The following PPFIA1 variants were observed in gnomAD, a reference collection of about 807,000 sequenced individuals.
The protein encoded by PPFIA1 is liprin-alpha-1.
Under a neutral mutation model 149.9 loss-of-function variants are expected in PPFIA1, and 25 were observed. The observed-to-expected ratio is 0.17, with a 90% CI of 0.12 to 0.23. The LOEUF (loss-of-function observed/expected upper bound fraction) is 0.23. Ranked by LOEUF, PPFIA1 falls within the 10% of genes least tolerant of loss-of-function variation. PPFIA1 has a pLI of 1.00. For synonymous variants in PPFIA1, 549 were observed against 552.8 expected, an observed-to-expected ratio of 0.99 and a Z score of 0.10; for missense variants, 1,362 against 1,506.5, an observed-to-expected ratio of 0.90 and a Z score of 1.59.
intron 20 of PPFIA1, 53 bp from the exon 21 acceptor site, chr11:70,362,235 A>AT: frequency 1.2e-6 from 2 of 1,613,014 alleles, no homozygotes; most frequent in Non-Finnish European, 1.7e-6. Flanking sequence ...TTACTGTTCT[A>AT]CTTTGTAGAC....
chr11:70,339,223 C>T lies in PPFIA1; in HGVS notation c.1624C>T (p.His542Tyr). 6.2e-7 allele frequency: 1 copy of T among 1,614,168 alleles called. No homozygotes were observed. Among genetic ancestry groups the T allele is most frequent in the Non-Finnish European group, 8.5e-7 (1 of 1,180,038 alleles). ...PDFRFPMADG[H>Y]TDSYSTSAVL... ...TTTCAGGTTCCCCATGGCAGACGGC[C>T]ACACAGACTCCTACAGCACCAGTGC... The change falls in exon 14 of 28, where the codon CAC (histidine) becomes TAC (tyrosine). Residue 542 changes from histidine to tyrosine, a missense_variant. By Grantham distance (83) the His-to-Tyr change is moderately conservative. Coordinates refer to ENST00000253925, the MANE Select transcript of PPFIA1 (RefSeq NM_003626.5).
chr11:70,318,574 G>A (rs1022102253), intron 2 of PPFIA1, among the ~76,000 whole-genome samples: 3 of 152,156 alleles, frequency 2.0e-5, no homozygotes, highest in Non-Finnish European at 4.4e-5. Flanking sequence ...CCACTGCACT[G>A]TTTTTCTTCC....
At chr11:70,377,806 G>A (rs1053148993) in intron 25 of PPFIA1, among the ~76,000 whole-genome samples, 1 of 152,150 alleles carries the variant, frequency 6.6e-6, no homozygotes, top group African/African-American at 2.4e-5. Context: ...GCCCAGCACC[G>A]ACCTCATTTC....
intron 2 of PPFIA1, among the ~76,000 whole-genome samples, chr11:70,293,600 G>A (rs946953179): frequency 2.6e-5 from 4 of 152,218 alleles, no homozygotes. Context: ...TGGCTCAGGA[G>A]CCAGTGGCGT....
At chr11:70,380,450 G>A (rs1010841491) in intron 26 of PPFIA1, among the ~76,000 whole-genome samples, 2 of 151,824 alleles carry the variant, frequency 1.3e-5, no homozygotes, top group East Asian at 1.9e-4. Flanking sequence ...GGTGGCAGGC[G>A]CCTGTAGTAC....
chr11:70,338,293 C>T (rs1223586180), intron 12 of PPFIA1, 81 bp from the exon 13 acceptor site: 1 of 1,147,848 alleles, frequency 8.7e-7, no homozygotes, highest in African/African-American at 1.5e-5. Context: ...GGGTTATGCC[C>T]AACATCTGAG....
intron 2 of PPFIA1, among the ~76,000 whole-genome samples, chr11:70,295,540 C>T (rs1168406222): frequency 2.6e-4 from 32 of 122,326 alleles, no homozygotes; most frequent in Middle Eastern, 6.4e-3. Flanking sequence ...CCGGACGGGG[C>T]GGCTGGCCGG....
chr11:70,331,103 G>A (rs1007002492), intron 8 of PPFIA1, among the ~76,000 whole-genome samples: 3 of 151,770 alleles, frequency 2.0e-5, no homozygotes, highest in Non-Finnish European at 4.4e-5. Flanking sequence ...TTGGTGGCGC[G>A]CATCTGTAAT....
At position 70,324,832 on chromosome 11, in the gene PPFIA1, G is replaced by T; in HGVS notation, c.367-15G>T. The T allele has an allele frequency of 6.5e-7, 1 of 1,539,662 alleles. No homozygotes were observed. ...ATGCTGTTTAACAAGTCTTTATTTT[G>T]GCCTTTTATTTCAGCTGCTGTTAGA... is the stretch of plus-strand genomic sequence containing the variant. On this transcript the variant is annotated splice_polypyrimidine_tract_variant and intron_variant, in intron 3 of 27. Transcript: ENST00000253925.
chr11:70,311,954 A>G (rs1308506611), intron 2 of PPFIA1, among the ~76,000 whole-genome samples: 1 of 144,512 alleles, frequency 6.9e-6, no homozygotes, highest in Non-Finnish European at 1.5e-5. Context: ...AGCAGTCCTC[A>G]CACCTAACCT....
intron 24 of PPFIA1, 107 bp downstream of exon 24, chr11:70,375,200 A>AAC: frequency 2.5e-6 from 1 of 407,678 alleles, no homozygotes; most frequent in South Asian, 8.0e-5. Flanking sequence ...AAAAAAAAAA[A>AAC]AACTTCAGAC....
At chr11:70,295,793 C>T (rs1304616358) in intron 2 of PPFIA1, among the ~76,000 whole-genome samples, 1 of 151,584 alleles carries the variant, frequency 6.6e-6, no homozygotes, top group African/African-American at 2.4e-5. Context: ...TGACCCCCAC[C>T]TCCCTCCTGG....
chr11:70,328,759 A>G lies in PPFIA1; in HGVS notation c.931-1414A>G, dbSNP rs1276377048. Among the ~76,000 whole-genome samples, 5 of 151,902 alleles carry G rather than the reference A, an allele frequency of 3.3e-5. No homozygotes were observed. In the East Asian group the frequency reaches 5.8e-4, roughly 18 times the overall value. ...TCTGTTACTGATTGACTTTTCCACA[A>G]TAGCCATTCTGACTGGTGTGAGATG... On this transcript the variant is annotated intron_variant, in intron 7 of 27. Coordinates refer to ENST00000253925, the MANE Select transcript of PPFIA1 (RefSeq NM_003626.5).
At chr11:70,358,594 A>G (rs896554079) in intron 19 of PPFIA1, 1 of 152,220 alleles carries the variant, frequency 6.6e-6, no homozygotes, top group African/African-American at 2.4e-5. Context: ...ATACAGTTTA[A>G]TATTTATGCC....
chr11:70,279,194 T>C, intron 2 of PPFIA1: 1 of 426,724 alleles, frequency 2.3e-6, no homozygotes, highest in South Asian at 3.1e-5. Flanking sequence ...ATTTCAGGTG[T>C]CAGTGAATAC....
intron 2 of PPFIA1, among the ~76,000 whole-genome samples, chr11:70,310,426 G>A (rs1209662166): frequency 5.6e-5 from 8 of 143,640 alleles, no homozygotes; most frequent in African/African-American, 1.8e-4. Context: ...TTGCTCTGTC[G>A]ACAGGCTGGA....
At chr11:70,378,913 G>C (rs1274190803) in intron 26 of PPFIA1, among the ~76,000 whole-genome samples, 1 of 152,178 alleles carries the variant, frequency 6.6e-6, no homozygotes, top group African/African-American at 2.4e-5. Context: ...CTCATCTAAT[G>C]AAAGGCAGTG....
intron 21 of PPFIA1, chr11:70,371,981 A>G: frequency 3.0e-6 from 1 of 338,262 alleles, no homozygotes; most frequent in Non-Finnish European, 5.3e-6. Flanking sequence ...TTGATTTAAA[A>G]GTTAAATTTA....
At chr11:70,324,058 G>A (rs1181550760) in intron 2 of PPFIA1, among the ~76,000 whole-genome samples, 1 of 152,266 alleles carries the variant, frequency 6.6e-6, no homozygotes, top group Non-Finnish European at 1.5e-5. Flanking sequence ...ACATGTCTGT[G>A]AGTCATTTAA....
Sources: allele counts gnomAD v4.1 joint callset (sites outside exome capture counted in the v4.1 genomes callset), GRCh38; gene constraint gnomAD v4.1.1; transcripts MANE v1.5; gene names NCBI Gene and HGNC (gene_info 2026-07-23, HGNC 2026-07-21).